The following PI4KB variants were observed in gnomAD, a reference collection of about 807,000 sequenced individuals.
PI4KB encodes the protein PtdIns 4-kinase beta.
PI4KB carries 23 observed loss-of-function variants against 81.4 expected under a neutral mutation model. The ratio of observed to expected loss-of-function variants is 0.28; its 90% CI spans 0.20 to 0.40. The LOEUF is 0.40. PI4KB is among the 10% of genes least tolerant of loss of function. The pLI, the probability that PI4KB is intolerant of heterozygous loss-of-function variation, is 1.00. For missense variants in PI4KB, 651 were observed against 1,036.6 expected, an observed-to-expected ratio of 0.63 and a Z score of 5.11; for synonymous variants, 381 against 406.8, an observed-to-expected ratio of 0.94 and a Z score of 0.76.
At position 151,327,291 on chromosome 1, in the gene PI4KB, G is replaced by GGGGGT. The variant is rs1197236884; in HGVS notation, c.-54_-50dup. On this transcript the variant is annotated 5_prime_UTR_variant, in exon 1 of 12. Transcript: ENST00000368873. ...CTTACCTCTGGGGGACCCCCGCGGA[G>GGGGGT]GGGGTGCGGGCAGTCGCGGTTGGAC... The GGGGGT allele has an allele frequency of 3.3e-6, 1 of 301,482 alleles. No homozygotes were observed. The highest frequency in any genetic ancestry group is 6.1e-6 in the Non-Finnish European group (1 of 164,344). 18.7% of individuals were successfully genotyped at this position (301,482 alleles called of 1,614,324 possible). A position where few individuals can be genotyped will look rare whatever the true frequency, so the allele number is the denominator to read the frequency against.
chr1:151,314,949 T>C (rs1048857838), intron 2 of PI4KB, among the ~76,000 whole-genome samples: 1 of 152,128 alleles, frequency 6.6e-6, no homozygotes, highest in Non-Finnish European at 1.5e-5. Context: ...CTCATTAACA[T>C]AGTAGATGTT....
chr1:151,322,002 A>G (rs991930342), intron 1 of PI4KB, among the ~76,000 whole-genome samples: 11 of 152,158 alleles, frequency 7.2e-5, no homozygotes, highest in African/African-American at 2.7e-4. Flanking sequence ...TCAGAGGAAT[A>G]AGAAAAAAGT....
rs587601328 is a variant in PI4KB, at chr1:151,306,166, C to T, written c.1380G>A (p.Ser460=). The T allele has an allele frequency of 3.1e-5, 50 of 1,614,096 alleles. No individual in the cohort carries two copies. The highest frequency in any genetic ancestry group is 2.1e-4 in the South Asian group (19 of 91,080). The part of the protein sequence containing the change: ...PNYDNDDEAW[S]VDDIGELQVE... ...CTTGCAGCTCGCCTATGTCATCCAC[C>T]GACCAGGCCTCATCATCGTTGTCAT... The change falls in exon 5 of 12, where the codon TCG becomes TCA. Residue 460 remains serine, a synonymous_variant. Transcript: ENST00000368873.
Position 151,310,360 on chromosome 1 carries a change from T to C in PI4KB, c.910-105A>G, listed in dbSNP as rs181694526. ...CCAACTTGGATCGTAACTGCTTCTC[T>C]AGTGAAGTTCTACCTTTCTGCTTTA... On this transcript the variant is annotated intron_variant, in intron 2 of 11. Coordinates refer to ENST00000368873, the MANE Select transcript of PI4KB (RefSeq NM_001369623.2). The C allele has an allele frequency of 8.2e-6, 6 of 729,608 alleles. No homozygotes were observed. The Admixed American group carries it at 1.2e-4, about 15-fold the overall frequency. The allele number at this position is 729,608 out of a possible 1,614,324, so 45.2% of individuals were successfully genotyped here.
intron 2 of PI4KB, among the ~76,000 whole-genome samples, chr1:151,313,277 C>T (rs1465765023): frequency 6.6e-6 from 1 of 152,172 alleles, no homozygotes; most frequent in Non-Finnish European, 1.5e-5. Flanking sequence ...CCTTCCTCTC[C>T]TGGATCTAGT....
chr1:151,320,740 G>A (rs1375399075), intron 1 of PI4KB, among the ~76,000 whole-genome samples: 2 of 152,160 alleles, frequency 1.3e-5, no homozygotes, highest in Non-Finnish European at 2.9e-5. Flanking sequence ...CCGATTCAAC[G>A]GGGACCACTA....
chr1:151,296,924 C>T (rs1014784937), intron 9 of PI4KB, among the ~76,000 whole-genome samples: 6 of 152,010 alleles, frequency 3.9e-5, no homozygotes, highest in South Asian at 2.1e-4. Context: ...TACAGGCATG[C>T]GCCACCACGC....
chr1:151,306,513 G>T, intron 4 of PI4KB, 150 bp from the exon 5 acceptor site: 1 of 617,242 alleles, frequency 1.6e-6, no homozygotes. Flanking sequence ...TATATTTAGG[G>T]CAGATACTTG....
intron 11 of PI4KB, chr1:151,293,339 G>A (rs1694471595): frequency 7.3e-7 from 1 of 1,362,172 alleles, no homozygotes; most frequent in Non-Finnish European, 9.7e-7. Context: ...GGAGGGAGTG[G>A]GCCCTGAGCT....
intron 8 of PI4KB, among the ~76,000 whole-genome samples, chr1:151,301,543 G>A (rs1238072892): frequency 6.6e-6 from 1 of 152,106 alleles, no homozygotes; most frequent in Non-Finnish European, 1.5e-5. Flanking sequence ...GACTACAGGC[G>A]CCCGCCACCA....
chr1:151,293,055 C>A, intron 11 of PI4KB, 22 bp from the exon 12 acceptor site: 1 of 1,612,602 alleles, frequency 6.2e-7, no homozygotes, highest in South Asian at 1.1e-5. Context: ...AGTCGGAGTT[C>A]AGGGTCATGG....
chr1:151,302,374 C>T (rs1695356505), intron 6 of PI4KB, 76 bp from the exon 7 acceptor site: 2 of 980,510 alleles, frequency 2.0e-6, no homozygotes, highest in Non-Finnish European at 3.3e-6. Context: ...CTGACATTTC[C>T]TGCACTGTCT....
At chr1:151,320,849 C>G (rs1648747887) in intron 1 of PI4KB, among the ~76,000 whole-genome samples, 1 of 152,222 alleles carries the variant, frequency 6.6e-6, no homozygotes, top group Non-Finnish European at 1.5e-5. Context: ...CCTTTCCTCT[C>G]CCTCTAGTCC....
At chr1:151,326,305 G>A in intron 1 of PI4KB, 3 of 885,678 alleles carry the variant, frequency 3.4e-6, no homozygotes, top group Non-Finnish European at 5.3e-6. Context: ...TGTCCTGAAC[G>A]GCCTGAGGCA....
At chr1:151,312,484 A>T (rs1647272356) in intron 2 of PI4KB, among the ~76,000 whole-genome samples, 1 of 152,190 alleles carries the variant, frequency 6.6e-6, no homozygotes, top group Non-Finnish European at 1.5e-5. Context: ...AGAGTCACAA[A>T]CTAAACAGTT....
chr1:151,302,995 GTT>G (rs775167343), intron 6 of PI4KB, among the ~76,000 whole-genome samples: 8 of 107,132 alleles, frequency 7.5e-5, no homozygotes, highest in African/African-American at 2.9e-4. Flanking sequence ...GTGCTTTCTT[GTT>G]TTTTTTTTTT....
At chr1:151,316,563 G>T in intron 1 of PI4KB, 54 bp from the exon 2 acceptor site, 1 of 1,284,760 alleles carries the variant, frequency 7.8e-7, no homozygotes, top group Non-Finnish European at 1.1e-6. Context: ...TACACACATT[G>T]GTTAGTGGTG....
chr1:151,302,877 C>G (rs1168617406), intron 6 of PI4KB, among the ~76,000 whole-genome samples: 2 of 151,786 alleles, frequency 1.3e-5, no homozygotes, highest in African/African-American at 4.8e-5. Flanking sequence ...GCCACCGCAC[C>G]CAGCCTAGAA....
chr1:151,317,761 T>C (rs1217922377), intron 1 of PI4KB, among the ~76,000 whole-genome samples: 1 of 152,168 alleles, frequency 6.6e-6, no homozygotes, highest in Non-Finnish European at 1.5e-5. Context: ...CTTTAGACTA[T>C]ATTTCCTTAC....
Sources: gnomAD v4.1 joint callset for allele counts (sites outside exome capture counted in the v4.1 genomes callset) on GRCh38, gnomAD v4.1.1 for gene constraint, MANE v1.5 for transcripts, NCBI Gene and HGNC (gene_info 2026-07-23, HGNC 2026-07-21) for gene names.